Variants in SEM1 observed in about 807,000 individuals in gnomAD.
SEM1 encodes the protein 26S proteasome complex subunit SEM1.
Under a neutral mutation model 12.7 loss-of-function variants are expected in SEM1, and 3 were observed. The ratio of observed to expected loss-of-function variants is 0.24; its 90% CI spans 0.11 to 0.61. The LOEUF is 0.61. SEM1 is among the 20% of genes least tolerant of loss of function. The pLI, the probability that SEM1 is intolerant of heterozygous loss-of-function variation, is 0.88. For missense variants in SEM1, 59 were observed against 81.3 expected (o/e 0.73, Z 1.06); for synonymous variants, 30 against 27.8 (o/e 1.08, Z -0.25).
intron 2 of SEM1, among the ~76,000 whole-genome samples, chr7:96,590,425 T>C (rs1406296833): frequency 6.6e-6 from 1 of 152,186 alleles, no homozygotes; most frequent in Non-Finnish European, 1.5e-5. Flanking sequence ...CACAGGAAAC[T>C]CCACGAACAA....
Position 96,680,744 on chromosome 7 carries a change from C to T in SEM1, c.171-6885G>A, listed in dbSNP as rs144517130. Among the ~76,000 whole-genome samples, 838 of 152,182 alleles carry T rather than the reference C, an allele frequency of 5.5e-3. 7 individuals carry two copies. The highest frequency in any genetic ancestry group is 8.7e-3 in the Non-Finnish European group (590 of 67,998). On this transcript the variant is annotated intron_variant, in intron 2 of 2. Transcript: ENST00000413065. ...CTACCTGACCAGTGAATTAAAACTA[C>T]GGTTAATATAAAATGGAATTTATCC... is the stretch of plus-strand genomic sequence containing the variant.
At chr7:96,645,134 T>G (rs1808743397) in intron 2 of SEM1, among the ~76,000 whole-genome samples, 1 of 152,176 alleles carries the variant, frequency 6.6e-6, no homozygotes, top group Admixed American at 6.5e-5. Flanking sequence ...GAATTGTCCC[T>G]GTGTTTAAAA....
At chr7:96,660,793 T>A (rs1265504171) in intron 2 of SEM1, among the ~76,000 whole-genome samples, 1 of 152,144 alleles carries the variant, frequency 6.6e-6, no homozygotes, top group Non-Finnish European at 1.5e-5. Context: ...CATGGAATAT[T>A]TATGAAAACT....
chr7:96,603,343 A>G (rs1456698449), intron 2 of SEM1, among the ~76,000 whole-genome samples: 2 of 152,200 alleles, frequency 1.3e-5, no homozygotes, highest in African/African-American at 4.8e-5. Flanking sequence ...CTAGTTGAAA[A>G]GAAAAAAGGA....
At chr7:96,601,108 GC>G (rs1807185286) in intron 2 of SEM1, among the ~76,000 whole-genome samples, 1 of 152,082 alleles carries the variant, frequency 6.6e-6, no homozygotes, top group Admixed American at 6.6e-5. Context: ...CTTTTGTTTG[GC>G]CCACACACTT....
At chr7:96,573,840 G>A (rs1365125822) in intron 2 of SEM1, among the ~76,000 whole-genome samples, 1 of 152,108 alleles carries the variant, frequency 6.6e-6, no homozygotes, top group African/African-American at 2.4e-5. Context: ...ATAATATCCT[G>A]AAGAGTGTTT....
At chr7:96,492,668 C>A (rs187894975) in intron 1 of SEM1, among the ~76,000 whole-genome samples, 8 of 134,844 alleles carry the variant, frequency 5.9e-5, no homozygotes, top group African/African-American at 2.3e-4. Context: ...TGGGCTCAAG[C>A]GATCCACCAG....
intron 2 of SEM1, among the ~76,000 whole-genome samples, chr7:96,526,943 T>A (rs1385467278): frequency 6.6e-6 from 1 of 151,906 alleles, no homozygotes; most frequent in African/African-American, 2.4e-5. Flanking sequence ...AAGACGTGGG[T>A]AAAAGAAAGG....
chr7:96,608,295 T>C (rs1393219300), intron 2 of SEM1, among the ~76,000 whole-genome samples: 3 of 152,196 alleles, frequency 2.0e-5, no homozygotes, highest in Non-Finnish European at 2.9e-5. Flanking sequence ...GTTCCAACTC[T>C]GAATTTGAGT....
chr7:96,707,844 A>ATATGAATG (rs1790519899), intron 1 of SEM1, among the ~76,000 whole-genome samples: 1 of 152,202 alleles, frequency 6.6e-6, no homozygotes, highest in South Asian at 2.1e-4. Flanking sequence ...TACTCATTTT[A>ATATGAATG]AATGCGGGTT....
intron 2 of SEM1, among the ~76,000 whole-genome samples, chr7:96,589,890 T>C (rs963727110): frequency 5.3e-5 from 8 of 152,104 alleles, no homozygotes; most frequent in African/African-American, 1.9e-4. Flanking sequence ...ATGACTTGAG[T>C]AATGGAAAGT....
chr7:96,499,320 C>G (rs77218141), upstream of SEM1, among the ~76,000 whole-genome samples: 753 of 152,242 alleles, frequency 4.9e-3, 4 homozygotes, highest in African/African-American at 0.017. Flanking sequence ...CTTGAGTGAC[C>G]ATTTCAGGTC....
chr7:96,507,693 T>C (rs6974120), intron 2 of SEM1, among the ~76,000 whole-genome samples: 6,844 of 152,132 alleles, frequency 0.045, 534 homozygotes, highest in African/African-American at 0.15. Context: ...TTCCTCCTGG[T>C]GAGGTTAGAT....
chr7:96,565,140 G>A (rs141407189), intron 2 of SEM1, among the ~76,000 whole-genome samples: 23 of 152,044 alleles, frequency 1.5e-4, no homozygotes, highest in African/African-American at 5.1e-4. Context: ...GGCCTTTAGG[G>A]TTTTAGTCAA....
intron 2 of SEM1, among the ~76,000 whole-genome samples, chr7:96,509,252 T>C (rs930182633): frequency 6.6e-6 from 1 of 150,910 alleles, no homozygotes; most frequent in African/African-American, 2.4e-5. Context: ...GTGATCCACC[T>C]GCCTTGGCCT....
chr7:96,599,955 A>G (rs1258647694), intron 2 of SEM1, among the ~76,000 whole-genome samples: 1 of 151,964 alleles, frequency 6.6e-6, no homozygotes, highest in African/African-American at 2.4e-5. Context: ...CTCAAAAGTG[A>G]TTACTTGGGA....
intron 2 of SEM1, among the ~76,000 whole-genome samples, chr7:96,580,773 G>C (rs1806371503): frequency 6.6e-6 from 1 of 152,060 alleles, no homozygotes; most frequent in African/African-American, 2.4e-5. Context: ...GTCTTCTTTT[G>C]AGAAGTGTCT....
At chr7:96,601,465 A>T (rs1807198660) in intron 2 of SEM1, among the ~76,000 whole-genome samples, 1 of 152,128 alleles carries the variant, frequency 6.6e-6, no homozygotes, top group African/African-American at 2.4e-5. Flanking sequence ...AAACATGAGC[A>T]GTGAGGATGT....
chr7:96,663,036 C>A (rs1789059324), intron 2 of SEM1, among the ~76,000 whole-genome samples: 1 of 151,240 alleles, frequency 6.6e-6, no homozygotes, highest in African/African-American at 2.4e-5. Context: ...TAGATAAAAT[C>A]ATGGTATTAT....
Sources: allele counts gnomAD v4.1 joint callset (sites outside exome capture counted in the v4.1 genomes callset), GRCh38; gene constraint gnomAD v4.1.1; transcripts MANE v1.5; gene names NCBI Gene and HGNC (gene_info 2026-07-23, HGNC 2026-07-21).